The following DPH6 variants were observed in gnomAD, a reference collection of about 807,000 sequenced individuals.
DPH6 encodes diphthamine biosynthesis 6, also known as diphthine--ammonia ligase.
In DPH6, 33 loss-of-function variants were observed where a neutral mutation model predicts 38.2. The ratio of observed to expected loss-of-function variants is 0.86; its 90% CI spans 0.65 to 1.15. The LOEUF (loss-of-function observed/expected upper bound fraction) is 1.15, where lower values mean the gene tolerates loss of function less well. Among genes scored for constraint, DPH6 ranks in the 50% most tolerant of loss-of-function variants. The probability of loss-of-function intolerance (pLI) is 0.00; values close to 1 mark genes in which losing one functional copy is unlikely to be tolerated. For missense variants in DPH6, 325 were observed against 320.0 expected (o/e 1.02, Z -0.12); for synonymous variants, 108 against 103.0 (o/e 1.05, Z -0.30).
chr15:35,350,248 CTT>C (rs1282489403), intron 3 of DPH6, among the ~76,000 whole-genome samples: 2 of 149,106 alleles, frequency 1.3e-5, no homozygotes, highest in Admixed American at 6.7e-5. Context: ...CTAGAAATCT[CTT>C]GTGATCATTT....
chr15:35,460,867 G>A (rs1202046336), intron 3 of DPH6, among the ~76,000 whole-genome samples: 2 of 136,452 alleles, frequency 1.5e-5, no homozygotes, highest in African/African-American at 2.6e-5. Context: ...CAATAGAGAC[G>A]GCACTTCCTA....
chr15:35,366,906 G>A (rs2140913930), downstream of DPH6, among the ~76,000 whole-genome samples: 1 of 151,908 alleles, frequency 6.6e-6, no homozygotes, highest in East Asian at 1.9e-4. Context: ...ATTCCATGTA[G>A]ACCTAGTAGT....
At position 35,479,565 on chromosome 15, in the gene DPH6, G is replaced by A. The variant is rs1441260755; in HGVS notation, c.313-24745C>T. Among the ~76,000 whole-genome samples the A allele has an allele frequency of 2.0e-5, 3 of 152,206 alleles. No homozygotes were observed. In the East Asian group the frequency reaches 5.8e-4, roughly 29 times the overall value. ...CTCCAAGACTTCTACAAATTTCAGAGTTCACCAAAGAGCAACTACAAAATA... is the reference window on the plus strand; with the variant it reads ...CTCCAAGACTTCTACAAATTTCAGAATTCACCAAAGAGCAACTACAAAATA... On this transcript the variant is annotated intron_variant, in intron 3 of 8. Coordinates refer to ENST00000256538, the MANE Select transcript of DPH6 (RefSeq NM_080650.4).
intron 3 of DPH6, chr15:35,282,699 A>C (rs1055334513): frequency 5.1e-6 from 2 of 393,488 alleles, no homozygotes; most frequent in Admixed American, 2.8e-5. Context: ...ATTTACATTG[A>C]TGTGCCATGC....
chr15:35,471,507 T>C lies in DPH6; in HGVS notation c.313-16687A>G, dbSNP rs74851496. The stretch of plus-strand genomic sequence containing the variant: ...TTCTCAAAATCAATCCCTCCACACC[T>C]CCCTACCTACCAAATAAATTTTTCT... On this transcript the variant is annotated intron_variant, in intron 3 of 8. Transcript: ENST00000256538. 3.1e-3 allele frequency among the ~76,000 whole-genome samples: 467 copies of C among 152,296 alleles called. 3 individuals carry two copies. The East Asian group carries it at 0.034, about 11-fold the overall frequency.
chr15:35,485,028 TTAC>T (rs1280847037), intron 3 of DPH6, among the ~76,000 whole-genome samples: 1 of 152,190 alleles, frequency 6.6e-6, no homozygotes, highest in African/African-American at 2.4e-5. Context: ...TATTGACTAC[TTAC>T]CACATCCCAG....
chr15:35,294,531 GT>G (rs1380698237), intron 3 of DPH6, among the ~76,000 whole-genome samples: 1 of 152,044 alleles, frequency 6.6e-6, no homozygotes, highest in Non-Finnish European at 1.5e-5. Flanking sequence ...AGTACCTCCT[GT>G]TGGTTCTCTT....
chr15:35,251,438 C>T (rs1163942062), intron 3 of DPH6, among the ~76,000 whole-genome samples: 1 of 152,042 alleles, frequency 6.6e-6, no homozygotes, highest in African/African-American at 2.4e-5. Flanking sequence ...AAGCTTTTTT[C>T]CTAAAAAACA....
the DPH6 span, among the ~76,000 whole-genome samples, chr15:35,157,112 C>A: frequency 2.2e-4 from 33 of 152,144 alleles, no homozygotes; most frequent in Non-Finnish European, 3.2e-4. Flanking sequence ...AGGGTGAATG[C>A]AGATTGTTAG....
downstream of DPH6, among the ~76,000 whole-genome samples, chr15:35,330,581 A>G (rs780629422): frequency 2.0e-5 from 3 of 152,162 alleles, no homozygotes; most frequent in Non-Finnish European, 4.4e-5. Context: ...ATTTAAAATT[A>G]TGGTGTTAAC....
chr15:35,412,583 A>G (rs1161051487), intron 5 of DPH6, among the ~76,000 whole-genome samples: 3 of 151,760 alleles, frequency 2.0e-5, no homozygotes, highest in African/African-American at 7.2e-5. Flanking sequence ...ACCAAAATGT[A>G]TTTCAGTAGG....
intron 5 of DPH6, among the ~76,000 whole-genome samples, chr15:35,415,537 A>G (rs2053425286): frequency 6.6e-6 from 1 of 152,028 alleles, no homozygotes; most frequent in Non-Finnish European, 1.5e-5. Flanking sequence ...TAGCAGTTAC[A>G]TCTCATTTCA....
At position 35,246,307 on chromosome 15, in the gene DPH6, A is replaced by G. The variant is rs540855891; in HGVS notation, n.201-25725T>C. On this transcript the variant is annotated intron_variant and non_coding_transcript_variant, in intron 3 of 3. Coordinates refer to the DPH6 transcript ENST00000560386. ...CTGGTGAACAGTTATTTCTTCATTC[A>G]TTCATTCAAATAATACTTGTTGAGC... Among the ~76,000 whole-genome samples, 5 of 152,324 alleles carry G rather than the reference A, an allele frequency of 3.3e-5. No homozygotes were observed. The East Asian group carries it at 7.7e-4, about 23-fold the overall frequency.
intron 3 of DPH6, among the ~76,000 whole-genome samples, chr15:35,229,765 G>A (rs540823310): frequency 4.6e-5 from 7 of 152,138 alleles, no homozygotes; most frequent in Non-Finnish European, 8.8e-5. Flanking sequence ...CCCAAAGCTC[G>A]GTAAACTGTG....
intron 6 of DPH6, among the ~76,000 whole-genome samples, chr15:35,384,595 G>A (rs1487856661): frequency 1.3e-5 from 2 of 152,008 alleles, no homozygotes; most frequent in African/African-American, 4.8e-5. Flanking sequence ...CCCAGGAGGC[G>A]GAGGTTGCAG....
intron 3 of DPH6, among the ~76,000 whole-genome samples, chr15:35,221,504 A>C (rs936334305): frequency 2.0e-5 from 3 of 152,052 alleles, no homozygotes; most frequent in Non-Finnish European, 2.9e-5. Context: ...AAGCTCATGC[A>C]CTCTGTGTCT....
chr15:35,291,529 T>C (rs2051980364), intron 3 of DPH6, among the ~76,000 whole-genome samples: 1 of 152,192 alleles, frequency 6.6e-6, no homozygotes, highest in South Asian at 2.1e-4. Context: ...TGTTATTTGT[T>C]AATTTTTGGC....
chr15:35,520,851 T>C, intron 3 of DPH6: 2 of 984,934 alleles, frequency 2.0e-6, no homozygotes, highest in Non-Finnish European at 2.4e-6. Flanking sequence ...ATAATAAAAC[T>C]AAGGCCTCTA....
At chr15:35,481,239 A>G (rs767670597) in intron 3 of DPH6, among the ~76,000 whole-genome samples, 7 of 152,192 alleles carry the variant, frequency 4.6e-5, no homozygotes, top group Non-Finnish European at 1.0e-4. Context: ...TTTAGACCCA[A>G]CTACCAAGTT....
Sources: gnomAD v4.1 joint callset for allele counts (sites outside exome capture counted in the v4.1 genomes callset) on GRCh38, gnomAD v4.1.1 for gene constraint, MANE v1.5 for transcripts, NCBI Gene and HGNC (gene_info 2026-07-23, HGNC 2026-07-21) for gene names.